The following PPP2R1B variants were observed in gnomAD, a reference collection of about 807,000 sequenced individuals.
PPP2R1B encodes protein phosphatase 2 scaffold subunit Abeta, also known as serine/threonine-protein phosphatase 2A 65 kDa regulatory subunit A beta isoform.
In PPP2R1B, 58 loss-of-function variants were observed where a neutral mutation model predicts 72.7. That is an observed-to-expected ratio of 0.80 (90% confidence interval 0.65 to 0.99). PPP2R1B has a LOEUF of 0.99. PPP2R1B is among the 50% of genes least tolerant of loss of function. The pLI is 0.00. For missense variants in PPP2R1B, 695 were observed against 733.6 expected (o/e 0.95, Z 0.61); for synonymous variants, 256 against 264.6 (o/e 0.97, Z 0.32).
Position 111,755,295 on chromosome 11 carries a change from C to A in PPP2R1B, c.843G>T (p.Glu281Asp), listed in dbSNP as rs546090548. 1.2e-6 allele frequency: 2 copies of A among 1,602,654 alleles called. No homozygotes were observed. Among genetic ancestry groups the A allele is most frequent in the South Asian group, 2.3e-5 (2 of 88,354 alleles). Reference sequence around the variant, plus strand: ...TAGTACTTAAAAATGATCACTTTACCTCTGAAAATCTGTCAGCCACCATAT... The same window carrying A: ...TAGTACTTAAAAATGATCACTTTACATCTGAAAATCTGTCAGCCACCATAT... ...VRYMVADRFS[E>D]LQKAMGPKIT... Residue 281 changes from glutamate (E) to aspartate (D), a missense_variant and splice_region_variant, in exon 6 of 15, where the codon GAG (glutamate) becomes GAT (aspartate). By Grantham distance (45) the Glu-to-Asp change is conservative. Transcript: ENST00000527614.
At chr11:111,752,767 A>G (rs921498126) in intron 9 of PPP2R1B, among the ~76,000 whole-genome samples, 11 of 152,086 alleles carry the variant, frequency 7.2e-5, no homozygotes, top group African/African-American at 2.7e-4. Flanking sequence ...CGAGGTCAGG[A>G]GATCGAGACC....
At chr11:111,732,064 G>T (rs1051168786) in intron 15 of PPP2R1B, among the ~76,000 whole-genome samples, 3 of 152,178 alleles carry the variant, frequency 2.0e-5, no homozygotes, top group African/African-American at 7.2e-5. Context: ...CAGCAGGGAG[G>T]CCTGCACCCC....
chr11:111,699,332 A>G, the PPP2R1B span, among the ~76,000 whole-genome samples: 5 of 152,112 alleles, frequency 3.3e-5, no homozygotes, highest in East Asian at 5.8e-4. Flanking sequence ...TACCCCTCCT[A>G]TCTACTTTTT....
chr11:111,702,421 C>A, the PPP2R1B span, among the ~76,000 whole-genome samples: 1 of 152,048 alleles, frequency 6.6e-6, no homozygotes, highest in African/African-American at 2.4e-5. Context: ...CCTGTCTCTA[C>A]AAAAAAGTTT....
At position 111,741,496 on chromosome 11, in the gene PPP2R1B, A is replaced by G; in HGVS notation, c.*100T>C. On this transcript the variant is annotated 3_prime_UTR_variant, in exon 15 of 15. Transcript: ENST00000527614. ...AGTTGTTGCCATTTGCTTGGATGAGATCTTGAAGGTTTTCCATTCTTTCTC... is the reference window on the plus strand; with the variant it reads ...AGTTGTTGCCATTTGCTTGGATGAGGTCTTGAAGGTTTTCCATTCTTTCTC... 1 of 1,543,770 alleles carries G rather than the reference A, an allele frequency of 6.5e-7. No homozygotes were observed. Among genetic ancestry groups the G allele is most frequent in the South Asian group, 1.3e-5 (1 of 78,122 alleles).
chr11:111,736,877 G>A (rs916234600), downstream of PPP2R1B, among the ~76,000 whole-genome samples: 1 of 152,184 alleles, frequency 6.6e-6, no homozygotes, highest in Non-Finnish European at 1.5e-5. Context: ...TTTTCTGAAT[G>A]TATCTGTAAG....
At chr11:111,720,797 G>A in the PPP2R1B span, 49 of 1,570,638 alleles carry the variant, frequency 3.1e-5, no homozygotes, top group Middle Eastern at 5.1e-4. Context: ...TGAAACTCGC[G>A]TCGTAGGAGA....
the PPP2R1B span, among the ~76,000 whole-genome samples, chr11:111,713,848 T>C: frequency 6.6e-6 from 1 of 152,008 alleles, no homozygotes; most frequent in African/African-American, 2.4e-5. Flanking sequence ...GCGCCTGTAA[T>C]CCCAGCTACT....
At chr11:111,719,765 T>C in the PPP2R1B span, 1 of 1,610,860 alleles carries the variant, frequency 6.2e-7, no homozygotes, top group Middle Eastern at 1.7e-4. Flanking sequence ...CTCTCTCCCC[T>C]GGCGTTTAGG....
At chr11:111,756,871 TG>T (rs1417058755) in intron 5 of PPP2R1B, among the ~76,000 whole-genome samples, 1 of 152,086 alleles carries the variant, frequency 6.6e-6, no homozygotes, top group Non-Finnish European at 1.5e-5. Context: ...CCCAGCACTT[TG>T]GGAGGCCGAG....
the PPP2R1B span, chr11:111,720,080 T>C: frequency 7.0e-7 from 1 of 1,426,374 alleles, no homozygotes; most frequent in Non-Finnish European, 9.7e-7. Flanking sequence ...GTGGTCACGA[T>C]GCCAGCCAAC....
At chr11:111,703,015 G>T in the PPP2R1B span, among the ~76,000 whole-genome samples, 2 of 152,084 alleles carry the variant, frequency 1.3e-5, no homozygotes, top group African/African-American at 4.8e-5. Context: ...TTTTTCTTAG[G>T]TATTTGTTCA....
At chr11:111,720,765 G>A in the PPP2R1B span, 9 of 1,581,624 alleles carry the variant, frequency 5.7e-6, no homozygotes, top group East Asian at 2.2e-5. Flanking sequence ...CACCCAGGGT[G>A]AGCACTTCCT....
chr11:111,712,936 G>A, the PPP2R1B span, among the ~76,000 whole-genome samples: 36 of 152,128 alleles, frequency 2.4e-4, no homozygotes, highest in Admixed American at 2.1e-3. Flanking sequence ...AGGCCGAGGC[G>A]GGCAGATTGC....
At chr11:111,707,084 C>G in the PPP2R1B span, among the ~76,000 whole-genome samples, 1 of 151,808 alleles carries the variant, frequency 6.6e-6, no homozygotes, top group East Asian at 1.9e-4. Flanking sequence ...AATGGTATTG[C>G]TTTCAAGACC....
At chr11:111,764,074 C>T (rs772064138) in intron 3 of PPP2R1B, among the ~76,000 whole-genome samples, 47 of 152,164 alleles carry the variant, frequency 3.1e-4, no homozygotes, top group Non-Finnish European at 5.6e-4. Context: ...AAGGTCTTCC[C>T]TGATCACCCG....
intron 5 of PPP2R1B, among the ~76,000 whole-genome samples, chr11:111,756,724 A>C (rs782020574): frequency 9.9e-5 from 15 of 152,224 alleles, no homozygotes; most frequent in African/African-American, 3.6e-4. Context: ...CAGAAATTAG[A>C]AAAGTATGGG....
chr11:111,759,717 A>G, intron 5 of PPP2R1B, 87 bp downstream of exon 5: 1 of 1,416,000 alleles, frequency 7.1e-7, no homozygotes, highest in East Asian at 2.4e-5. Flanking sequence ...GAATCCTAAC[A>G]AGAAAACTAA....
rs1945537585 is a variant in PPP2R1B, at chr11:111,766,284, C to T, written c.78G>A (p.Ala26=). The change falls in exon 1 of 15, where the codon GCG becomes GCA. Residue 26 remains alanine (A), a synonymous_variant. Coordinates refer to ENST00000527614, the MANE Select transcript of PPP2R1B (RefSeq NM_002716.5). ...GDGDDSLYPI[A]VLIDELRNED... is the part of the protein sequence containing the mutation. ...CATTGCGGAGCTCGTCGATTAAAAC[C>T]GCGATCGGGTATAGCGAATCATCTC... 1.9e-6 allele frequency: 3 copies of T among 1,614,004 alleles called. No homozygotes were observed. Among genetic ancestry groups the T allele is most frequent in the Non-Finnish European group, 8.5e-7 (1 of 1,179,942 alleles).
Sources: allele counts gnomAD v4.1 joint callset (sites outside exome capture counted in the v4.1 genomes callset), GRCh38; gene constraint gnomAD v4.1.1; transcripts MANE v1.5; gene names NCBI Gene and HGNC (gene_info 2026-07-23, HGNC 2026-07-21).